CDH8: variants seen among roughly 807,000 people sequenced by gnomAD.
CDH8 encodes the protein cadherin-8.
A neutral mutation model predicts 68.1 loss-of-function variants in CDH8; 17 were observed. The observed-to-expected ratio is 0.25, with a 90% CI of 0.17 to 0.37. The LOEUF (loss-of-function observed/expected upper bound fraction) is 0.37. CDH8 is among the 10% of genes least tolerant of loss of function. The pLI is 1.00. For synonymous variants in CDH8, 372 were observed against 365.1 expected (o/e 1.02, Z -0.21); for missense variants, 763 against 999.3 (o/e 0.76, Z 3.19).
intron 2 of CDH8, among the ~76,000 whole-genome samples, chr16:61,932,207 CA>C (rs35261724): frequency 1.2e-3 from 97 of 83,560 alleles, no homozygotes; most frequent in Non-Finnish European, 1.6e-3. Context: ...AACTCCGTCT[CA>C]AAAAAAAAAA....
chr16:61,713,769 AGTTAT>A, intron 10 of CDH8, 67 bp downstream of exon 10: 3 of 798,430 alleles, frequency 3.8e-6, no homozygotes, highest in South Asian at 3.0e-5. Flanking sequence ...GATAATTTTC[AGTTAT>A]GTTATGAAAT....
chr16:61,706,340 G>A (rs1454924380), intron 10 of CDH8, among the ~76,000 whole-genome samples: 2 of 152,152 alleles, frequency 1.3e-5, no homozygotes, highest in East Asian at 1.9e-4. Context: ...ACTGGCGGCC[G>A]GACGCGGTGG....
At chr16:61,783,322 G>A (rs1341405058) in intron 8 of CDH8, among the ~76,000 whole-genome samples, 3 of 128,176 alleles carry the variant, frequency 2.3e-5, no homozygotes, top group African/African-American at 9.6e-5. Flanking sequence ...CGATCAACTG[G>A]AAGAAAGGGT....
At chr16:61,880,118 G>A (rs1392324993) in intron 3 of CDH8, among the ~76,000 whole-genome samples, 1 of 152,052 alleles carries the variant, frequency 6.6e-6, no homozygotes, top group African/African-American at 2.4e-5. Flanking sequence ...TAGAGACAGG[G>A]TTTCACCATA....
intron 5 of CDH8, among the ~76,000 whole-genome samples, chr16:61,822,490 A>C (rs1420430381): frequency 1.3e-5 from 2 of 151,766 alleles, no homozygotes; most frequent in African/African-American, 4.8e-5. Flanking sequence ...TTCGAGCTCA[A>C]ATCCACTGAG....
At chr16:62,025,124 T>C (rs1902166864) in intron 1 of CDH8, among the ~76,000 whole-genome samples, 1 of 152,128 alleles carries the variant, frequency 6.6e-6, no homozygotes, top group Non-Finnish European at 1.5e-5. Context: ...AATGTCGAAA[T>C]AGAATTAACC....
At chr16:61,972,571 G>GGGGGTGTGT (rs369833002) in intron 2 of CDH8, among the ~76,000 whole-genome samples, 21 of 131,548 alleles carry the variant, frequency 1.6e-4, no homozygotes, top group East Asian at 4.3e-4. Context: ...ACACATTGTG[G>GGGGGTGTGT]GTGTGTGTGT....
chr16:61,706,573 ATCGCGCCACCGCACT>A (rs1279537963), intron 10 of CDH8, among the ~76,000 whole-genome samples: 5 of 143,926 alleles, frequency 3.5e-5, no homozygotes, highest in Non-Finnish European at 7.5e-5. Flanking sequence ...GTGAGCCGAG[ATCGCGCCACCGCACT>A]CCAGCCTGGG....
intron 8 of CDH8, among the ~76,000 whole-genome samples, chr16:61,751,401 A>AAC (rs1960156930): frequency 6.7e-6 from 1 of 150,182 alleles, no homozygotes; most frequent in Non-Finnish European, 1.5e-5. Flanking sequence ...AAAAAAAAAA[A>AAC]AAAAAAAAAA....
At chr16:61,783,608 G>A (rs1449004447) in intron 8 of CDH8, among the ~76,000 whole-genome samples, 21 of 150,094 alleles carry the variant, frequency 1.4e-4, no homozygotes, top group African/African-American at 4.9e-4. Flanking sequence ...TACTCCTCAA[G>A]AAGAGCAACT....
At chr16:61,957,055 A>G (rs116743022) in intron 2 of CDH8, among the ~76,000 whole-genome samples, 110 of 152,316 alleles carry the variant, frequency 7.2e-4, no homozygotes, top group African/African-American at 2.5e-3. Context: ...TTGGCAAATC[A>G]TTTCAGCAGA....
chr16:61,990,249 T>G (rs2150588593), intron 2 of CDH8, among the ~76,000 whole-genome samples: 1 of 152,060 alleles, frequency 6.6e-6, no homozygotes, highest in African/African-American at 2.4e-5. Flanking sequence ...TTATATTAGT[T>G]ACTAACAGGT....
chr16:61,827,434 G>A (rs931985501), intron 4 of CDH8, among the ~76,000 whole-genome samples: 1 of 151,808 alleles, frequency 6.6e-6, no homozygotes, highest in African/African-American at 2.4e-5. Context: ...TTACTTGCGT[G>A]AAAGAACTCC....
chr16:62,021,169 G>T lies in CDH8; in HGVS notation c.235C>A (p.Pro79Thr). Residue 79 changes from proline to threonine, a missense_variant, in exon 2 of 12, where the codon CCG (proline) becomes ACG (threonine). Physicochemically the swap from Pro to Thr is conservative, Grantham distance 38. Transcript: ENST00000577390. ...AAGCTTACCCGGCCAACAAGAATCG[G>T]TTCAGGTCCAGAAAACTCTTCCAGG... is the stretch of plus-strand genomic sequence containing the variant. Reference protein sequence around the residue: ...FVLEEFSGPEPILVGRLHTDL... With the variant: ...FVLEEFSGPETILVGRLHTDL... 1 of 1,613,874 alleles carries T rather than the reference G, an allele frequency of 6.2e-7. No homozygotes were observed. Among genetic ancestry groups the T allele is most frequent in the African/African-American group, 1.3e-5 (1 of 74,994 alleles).
chr16:61,689,825 T>C (rs1472062479), intron 10 of CDH8, among the ~76,000 whole-genome samples: 3 of 152,064 alleles, frequency 2.0e-5, no homozygotes, highest in African/African-American at 7.2e-5. Context: ...ATGGTTTTAC[T>C]AATACATTTT....
intron 3 of CDH8, among the ~76,000 whole-genome samples, chr16:61,882,511 C>T (rs1963596529): frequency 6.6e-6 from 1 of 152,110 alleles, no homozygotes; most frequent in Admixed American, 6.5e-5. Flanking sequence ...TCAACAGTTC[C>T]AAAAATTTTG....
rs991583107 is a variant in CDH8 at position 61,949,878 on chromosome 16, C to G, written c.253-48405G>C. Among the ~76,000 whole-genome samples, 4 of 151,760 alleles carry G rather than the reference C, an allele frequency of 2.6e-5. No individual in the cohort carries two copies. In the South Asian group the frequency reaches 6.3e-4, roughly 24 times the overall value. Reference sequence around the variant, plus strand: ...GTGGTGCATGCCTGTAGTCCCAACTCTCAGGGGGCTGAGGTAGGAAGATTG... The same window carrying G: ...GTGGTGCATGCCTGTAGTCCCAACTGTCAGGGGGCTGAGGTAGGAAGATTG... On this transcript the variant is annotated intron_variant, in intron 2 of 11. Coordinates refer to ENST00000577390, the MANE Select transcript of CDH8 (RefSeq NM_001796.5).
intron 9 of CDH8, among the ~76,000 whole-genome samples, chr16:61,722,371 T>C (rs1959228797): frequency 6.6e-6 from 1 of 150,914 alleles, no homozygotes; most frequent in African/African-American, 2.4e-5. Flanking sequence ...GTCTAGTTGC[T>C]TGAATATTTA....
intron 10 of CDH8, among the ~76,000 whole-genome samples, chr16:61,682,179 C>G (rs1315170691): frequency 2.6e-5 from 4 of 151,814 alleles, no homozygotes; most frequent in Non-Finnish European, 5.9e-5. Context: ...ATAGCATTTT[C>G]CTTTTATAAT....
Sources: allele counts gnomAD v4.1 joint callset (sites outside exome capture counted in the v4.1 genomes callset), GRCh38; gene constraint gnomAD v4.1.1; transcripts MANE v1.5; gene names NCBI Gene and HGNC (gene_info 2026-07-23, HGNC 2026-07-21).